Variants in TTC6 observed in about 807,000 individuals in gnomAD.
The protein encoded by TTC6 is tetratricopeptide repeat protein 6.
In TTC6, 172 loss-of-function variants were observed where a neutral mutation model predicts 210.4. That is an observed-to-expected ratio of 0.82 (90% confidence interval 0.72 to 0.93). TTC6 has a LOEUF of 0.93. TTC6 is among the 40% of genes least tolerant of loss of function. The probability of loss-of-function intolerance (pLI) is 0.00; values close to 1 mark genes in which losing one functional copy is unlikely to be tolerated. For missense variants in TTC6, 2,414 were observed against 2,318.1 expected (o/e 1.04, Z -0.85); for synonymous variants, 804 against 819.6 (o/e 0.98, Z 0.32).
chr14:37,623,079 T>C (rs952663231), intron 1 of TTC6, 76 bp downstream of exon 3: 1 of 1,070,670 alleles, frequency 9.3e-7, no homozygotes, highest in Non-Finnish European at 1.3e-6. Flanking sequence ...GAGTAGTTTA[T>C]TATGGATAAT....
chr14:37,766,139 A>C (rs903081226), intron 14 of TTC6, among the ~76,000 whole-genome samples: 4 of 152,090 alleles, frequency 2.6e-5, no homozygotes, highest in African/African-American at 9.7e-5. Context: ...TCCATTTTAA[A>C]AGTGTTATTT....
chr14:37,731,472 T>C (rs11156966), intron 7 of TTC6, among the ~76,000 whole-genome samples: 84,202 of 151,988 alleles, frequency 0.55, 24,081 homozygotes, highest in African/African-American at 0.7. Flanking sequence ...AGTACGACAG[T>C]TGAAACAAGA....
At chr14:37,683,826 CTT>C (rs1164114616) in intron 3 of TTC6, among the ~76,000 whole-genome samples, 1 of 151,956 alleles carries the variant, frequency 6.6e-6, no homozygotes, top group Non-Finnish European at 1.5e-5. Flanking sequence ...ATTTGAGTCA[CTT>C]TTTTTACTTA....
intron 19 of TTC6, 151 bp downstream of exon 21, chr14:37,796,521 A>G: frequency 1.9e-6 from 1 of 536,932 alleles, no homozygotes; most frequent in Non-Finnish European, 3.2e-6. Context: ...GCCAATTAGT[A>G]AAATGATTCA....
At chr14:37,799,799 TAAAAGAAGAAGAG>T (rs1419467078) in intron 20 of TTC6, among the ~76,000 whole-genome samples, 1 of 151,932 alleles carries the variant, frequency 6.6e-6, no homozygotes, top group Non-Finnish European at 1.5e-5. Context: ...AGAATGAGCT[TAAAAGAAGAAGAG>T]AAAAGAAGTT....
chr14:37,767,250 C>T (rs2096002358), intron 14 of TTC6, among the ~76,000 whole-genome samples: 1 of 152,166 alleles, frequency 6.6e-6, no homozygotes, highest in Non-Finnish European at 1.5e-5. Flanking sequence ...AATAATGCCG[C>T]AGTAAACATA....
rs2139200184 is a variant in TTC6 at position 37,598,022 on chromosome 14, GT to G, written c.-235+2015del. ...AAGCGAATCAGCAGGGTCGTGTTGG[GT>G]CTTTGACTTGGAAATGCATACATAC... On this transcript the variant is annotated intron_variant, in intron 1 of 2. Transcript: ENST00000556845. The surrounding 1 kb of genome is among the most constrained non-coding windows in gnomAD (Gnocchi z 4.9). Among the ~76,000 whole-genome samples, 1 of 152,350 alleles carries G rather than the reference GT, an allele frequency of 6.6e-6. No individual in the cohort carries two copies. The highest frequency in any genetic ancestry group is 1.9e-4 in the East Asian group (1 of 5,190).
intron 9 of TTC6, among the ~76,000 whole-genome samples, chr14:37,738,168 A>G (rs1013870101): frequency 3.1e-4 from 46 of 150,112 alleles, no homozygotes; most frequent in Non-Finnish European, 5.8e-4. Flanking sequence ...TAATTATTAA[A>G]ATTATATAAT....
At position 37,760,019 on chromosome 14, in the gene TTC6, T is replaced by C. The variant is rs2095979279; in HGVS notation, c.3266+6784T>C. Among the ~76,000 whole-genome samples, 3 of 152,216 alleles carry C rather than the reference T, an allele frequency of 2.0e-5. No individual in the cohort carries two copies. In the South Asian group the frequency reaches 6.2e-4, roughly 32 times the overall value. ...AACTTCTGTCAATTCGTCAATCTCA[T>C]TCTCTATCCAGTTTTGTGCCCTCAC... On this transcript the variant is annotated intron_variant, in intron 14 of 30. Coordinates refer to ENST00000553443, the Ensembl canonical transcript of TTC6.
intron 1 of TTC6, among the ~76,000 whole-genome samples, chr14:37,662,446 A>T (rs1333512599): frequency 6.6e-6 from 1 of 152,140 alleles, no homozygotes; most frequent in Non-Finnish European, 1.5e-5. Context: ...TTATATGATG[A>T]ATTACGTTTA....
intron 6 of TTC6, among the ~76,000 whole-genome samples, chr14:37,724,020 T>TA (rs35910369): frequency 4.6e-5 from 7 of 150,844 alleles, no homozygotes; most frequent in Admixed American, 6.6e-5. Flanking sequence ...TTCACATCCC[T>TA]AAAAAAAAAT....
exon 2 of TTC6, chr14:37,680,152 A>T: frequency 6.6e-7 from 1 of 1,517,136 alleles, no homozygotes; most frequent in Non-Finnish European, 8.8e-7. Flanking sequence ...TCATTCAAGG[A>T]TATTTCTTTA....
intron 20 of TTC6, among the ~76,000 whole-genome samples, chr14:37,800,038 A>G (rs1323217169): frequency 6.6e-6 from 1 of 152,178 alleles, no homozygotes; most frequent in Non-Finnish European, 1.5e-5. Flanking sequence ...AGAAAATAAT[A>G]CAGATGCAGT....
chr14:37,831,807 A>T (rs1438867815), intron 29 of TTC6, among the ~76,000 whole-genome samples: 1 of 151,672 alleles, frequency 6.6e-6, no homozygotes, highest in Non-Finnish European at 1.5e-5. Context: ...CTGTTGTTTG[A>T]GTTCTTTATA....
At position 37,766,159 on chromosome 14, in the gene TTC6, T is replaced by C. The variant is rs1400604089; in HGVS notation, c.3266+12924T>C. ...TTTAAAAGTGTTATTTCTGCTCCTT[T>C]CTTTTTCTCTTCCTTCTGGAACTCA... On this transcript the variant is annotated intron_variant, in intron 14 of 30. Coordinates refer to ENST00000553443, the Ensembl canonical transcript of TTC6. Among the ~76,000 whole-genome samples, 14 of 152,322 alleles carry C rather than the reference T, an allele frequency of 9.2e-5. No homozygotes were observed. In the Middle Eastern group the frequency reaches 0.01, roughly 112 times the overall value.
intron 1 of TTC6, among the ~76,000 whole-genome samples, chr14:37,649,649 T>C (rs1049083784): frequency 5.9e-5 from 9 of 152,226 alleles, no homozygotes; most frequent in African/African-American, 2.2e-4. Context: ...GCCTTTTACC[T>C]GAGGCCATGG....
chr14:37,639,072 T>C (rs2095686494), intron 1 of TTC6, among the ~76,000 whole-genome samples: 2 of 152,222 alleles, frequency 1.3e-5, no homozygotes, highest in Non-Finnish European at 1.5e-5. Context: ...ACTAACTTTT[T>C]GGTACATATC....
intron 7 of TTC6, among the ~76,000 whole-genome samples, chr14:37,729,572 C>T (rs909219860): frequency 6.6e-6 from 1 of 152,138 alleles, no homozygotes; most frequent in African/African-American, 2.4e-5. Context: ...AATTTTGGCT[C>T]AGGGACTTTT....
At chr14:37,837,774 A>G (rs962212441) in intron 29 of TTC6, among the ~76,000 whole-genome samples, 2 of 152,168 alleles carry the variant, frequency 1.3e-5, no homozygotes, top group African/African-American at 4.8e-5. Flanking sequence ...CAGGATGTAA[A>G]CCCAGCAATC....
Sources: allele counts gnomAD v4.1 joint callset (sites outside exome capture counted in the v4.1 genomes callset), GRCh38; gene constraint gnomAD v4.1.1; non-coding constraint Gnocchi (gnomAD v3.1); transcripts MANE v1.5; gene names NCBI Gene and HGNC (gene_info 2026-07-23, HGNC 2026-07-21).